The following MCC variants were observed in gnomAD, a reference collection of about 807,000 sequenced individuals.
MCC encodes the protein colorectal mutant cancer protein.
MCC carries 90 observed loss-of-function variants against 116.2 expected under a neutral mutation model. The observed-to-expected ratio is 0.77, with a 90% confidence interval of 0.65 to 0.92. The LOEUF is 0.92. MCC is among the 40% of genes least tolerant of loss of function. The probability of loss-of-function intolerance (pLI) is 0.00; values close to 1 mark genes in which losing one functional copy is unlikely to be tolerated. For missense variants in MCC, 1,516 were observed against 1,312.2 expected (o/e 1.16, Z -2.40); for synonymous variants, 578 against 510.5 (o/e 1.13, Z -1.78).
chr5:113,382,563 T>A (rs187867652), intron 2 of MCC, among the ~76,000 whole-genome samples: 10 of 152,238 alleles, frequency 6.6e-5, no homozygotes, highest in African/African-American at 2.2e-4. Flanking sequence ...CTAATTAGTG[T>A]CAATTTTTGG....
chr5:113,329,907 A>C (rs895275495), intron 3 of MCC, among the ~76,000 whole-genome samples: 1 of 152,178 alleles, frequency 6.6e-6, no homozygotes, highest in African/African-American at 2.4e-5. Flanking sequence ...CTAAAACATA[A>C]CTGTCCTTGG....
At chr5:113,246,745 G>T (rs7724707) in intron 3 of MCC, among the ~76,000 whole-genome samples, 24,109 of 152,148 alleles carry the variant, frequency 0.16, 2,256 homozygotes, top group Admixed American at 0.29. Flanking sequence ...TTGTCTTCCT[G>T]AAGTTATGTG....
At chr5:113,079,307 C>T (rs1268393900) in intron 11 of MCC, among the ~76,000 whole-genome samples, 1 of 152,218 alleles carries the variant, frequency 6.6e-6, no homozygotes, top group African/African-American at 2.4e-5. Context: ...AAAAAAACTA[C>T]TTTAAAGTTC....
chr5:113,164,510 T>C (rs1278753315), intron 3 of MCC, among the ~76,000 whole-genome samples: 2 of 152,196 alleles, frequency 1.3e-5, no homozygotes, highest in East Asian at 1.9e-4. Flanking sequence ...TTTTGGTAAA[T>C]GGTAGCCAGG....
At chr5:113,258,426 G>C (rs1438121617) in intron 3 of MCC, among the ~76,000 whole-genome samples, 1 of 152,222 alleles carries the variant, frequency 6.6e-6, no homozygotes, top group Non-Finnish European at 1.5e-5. Flanking sequence ...CAGGAGGTGA[G>C]CTGCAGTCAG....
At chr5:113,147,136 G>A (rs536325009) in intron 4 of MCC, among the ~76,000 whole-genome samples, 30 of 152,282 alleles carry the variant, frequency 2.0e-4, no homozygotes, top group African/African-American at 7.2e-4. Flanking sequence ...TGATGATGAA[G>A]CAAATTAAAC....
intron 2 of MCC, among the ~76,000 whole-genome samples, chr5:113,367,169 T>C (rs990280161): frequency 6.6e-6 from 1 of 151,926 alleles, no homozygotes; most frequent in East Asian, 1.9e-4. Flanking sequence ...TTAATTGATA[T>C]GGAAATCAAT....
At chr5:113,266,226 C>T (rs1396437612) in intron 3 of MCC, among the ~76,000 whole-genome samples, 1 of 148,918 alleles carries the variant, frequency 6.7e-6, no homozygotes, top group Non-Finnish European at 1.5e-5. Context: ...CTTGCTTCCC[C>T]TTCACCCCTT....
At chr5:113,440,312 C>T (rs1048072991) in intron 1 of MCC, among the ~76,000 whole-genome samples, 10 of 152,218 alleles carry the variant, frequency 6.6e-5, no homozygotes, top group African/African-American at 1.4e-4. Context: ...ATCTGAGGCT[C>T]TTTATCATCT....
chr5:113,221,020 T>C (rs891972279), intron 3 of MCC, among the ~76,000 whole-genome samples: 1 of 152,304 alleles, frequency 6.6e-6, no homozygotes, highest in South Asian at 2.1e-4. Flanking sequence ...CTGGGCAGCA[T>C]GGCAAAACCA....
At chr5:113,398,672 G>A (rs887440334) in intron 1 of MCC, among the ~76,000 whole-genome samples, 1 of 152,202 alleles carries the variant, frequency 6.6e-6, no homozygotes, top group South Asian at 2.1e-4. Context: ...ACACTTGGGA[G>A]CTACTACATG....
At chr5:113,471,758 G>T (rs1459865673) in intron 1 of MCC, among the ~76,000 whole-genome samples, 3 of 128,794 alleles carry the variant, frequency 2.3e-5, no homozygotes, top group African/African-American at 8.6e-5. Flanking sequence ...TCTGTGCCCT[G>T]CCCCCAGAGA....
At chr5:113,385,314 T>C in intron 1 of MCC, 102 bp from the exon 2 acceptor site, 1 of 1,157,710 alleles carries the variant, frequency 8.6e-7, no homozygotes. Flanking sequence ...TATATTCACA[T>C]ACTAGACCTA....
intron 3 of MCC, among the ~76,000 whole-genome samples, chr5:113,250,124 T>C (rs540479825): frequency 1.3e-5 from 2 of 152,248 alleles, no homozygotes; most frequent in Non-Finnish European, 2.9e-5. Context: ...GTGTCTGAGG[T>C]GTACTGCAAA....
At chr5:113,115,589 C>A (rs966836780) in intron 6 of MCC, among the ~76,000 whole-genome samples, 1 of 152,120 alleles carries the variant, frequency 6.6e-6, no homozygotes, top group African/African-American at 2.4e-5. Flanking sequence ...CCTTGGTGCC[C>A]ATCTAGGATC....
intron 3 of MCC, among the ~76,000 whole-genome samples, chr5:113,285,427 C>T (rs1461175200): frequency 6.7e-6 from 1 of 148,544 alleles, no homozygotes; most frequent in Non-Finnish European, 1.5e-5. Flanking sequence ...CAGGGAGATC[C>T]AGATACTCTT....
intron 3 of MCC, among the ~76,000 whole-genome samples, chr5:113,206,631 C>A (rs1762922811): frequency 1.3e-5 from 2 of 152,122 alleles, no homozygotes; most frequent in Admixed American, 6.5e-5. Context: ...ATCCCTTGAA[C>A]CTGGGAGGCA....
intron 1 of MCC, among the ~76,000 whole-genome samples, chr5:113,414,181 C>T (rs1012762914): frequency 5.9e-5 from 9 of 152,122 alleles, no homozygotes; most frequent in Admixed American, 2.6e-4. Flanking sequence ...ATATGCTTTA[C>T]TTCCAACTAT....
At chr5:113,052,279 C>T (rs553494080) in intron 15 of MCC, among the ~76,000 whole-genome samples, 1 of 152,268 alleles carries the variant, frequency 6.6e-6, no homozygotes, top group East Asian at 1.9e-4. Flanking sequence ...ATAGCTCGTG[C>T]CACAGGCTGC....
Sources: gnomAD v4.1 joint callset for allele counts (sites outside exome capture counted in the v4.1 genomes callset) on GRCh38, gnomAD v4.1.1 for gene constraint, MANE v1.5 for transcripts, NCBI Gene and HGNC (gene_info 2026-07-23, HGNC 2026-07-21) for gene names.